SGK3: variants seen among roughly 807,000 people sequenced by gnomAD.
SGK3 encodes the protein serine/threonine-protein kinase Sgk3.
A neutral mutation model predicts 68.5 loss-of-function variants in SGK3; 47 were observed. The ratio of observed to expected loss-of-function variants is 0.69; its 90% confidence interval spans 0.54 to 0.87. The LOEUF is 0.87. Among genes scored for constraint, SGK3 ranks in the 40% least tolerant of loss-of-function variants. SGK3 has a pLI of 0.00. For synonymous variants in SGK3, 181 were observed against 189.1 expected (o/e 0.96, Z 0.35); for missense variants, 479 against 575.5 (o/e 0.83, Z 1.72).
At chr8:66,746,395 C>G (rs192073826) in intron 1 of SGK3, among the ~76,000 whole-genome samples, 1 of 152,166 alleles carries the variant, frequency 6.6e-6, no homozygotes, top group Admixed American at 6.5e-5. Flanking sequence ...TTCAACTGAC[C>G]AGTTTCTCTG....
At position 66,802,856 on chromosome 8, in the gene SGK3, A is replaced by G. The variant is rs191985465; in HGVS notation, c.181-1519A>G. The stretch of plus-strand genomic sequence containing the variant: ...CATTATGTTACCATCCAGCTTCAAT[A>G]ATTACTGATACGTGGCCATTCCTGG... On this transcript the variant is annotated intron_variant, in intron 3 of 16. Coordinates refer to ENST00000521198, the MANE Select transcript of SGK3 (RefSeq NM_001033578.3). Among the ~76,000 whole-genome samples the G allele has an allele frequency of 5.3e-5, 8 of 152,276 alleles. No individual in the cohort carries two copies. The East Asian group carries it at 1.5e-3, about 29-fold the overall frequency.
chr8:66,788,450 T>G lies in SGK3; in HGVS notation c.-121-5166T>G, dbSNP rs551263278. 5.9e-5 allele frequency among the ~76,000 whole-genome samples: 9 copies of G among 152,346 alleles called. No individual in the cohort carries two copies. In the East Asian group the frequency reaches 1.7e-3, roughly 29 times the overall value. ...AGGGTCTGAAACTCTTACCCTTTTC[T>G]TGGTGCTTGTTAGAGAGAGGGGTCC... is the stretch of plus-strand genomic sequence containing the variant. On this transcript the variant is annotated intron_variant, in intron 1 of 16. Transcript: ENST00000521198.
intron 1 of SGK3, among the ~76,000 whole-genome samples, chr8:66,736,768 T>TGC (rs1213848545): frequency 6.6e-6 from 1 of 151,998 alleles, no homozygotes; most frequent in Admixed American, 6.6e-5. Context: ...TATAGGTGTG[T>TGC]GCCACCATGC....
At chr8:66,729,268 A>G (rs868261718) in intron 1 of SGK3, among the ~76,000 whole-genome samples, 29 of 151,348 alleles carry the variant, frequency 1.9e-4, no homozygotes, top group Admixed American at 1.7e-3. Flanking sequence ...CATCCTGGCT[A>G]ACACGGTGAA....
chr8:66,725,228 C>T (rs1804948935), intron 1 of SGK3, among the ~76,000 whole-genome samples: 1 of 151,808 alleles, frequency 6.6e-6, no homozygotes, highest in African/African-American at 2.4e-5. Context: ...GACTCCGTCT[C>T]AAAAACAAAA....
In SGK3 at chr8:66,860,269, A is replaced by G. The variant is rs540127502; in HGVS notation, c.*688A>G. ...CAGGAGTTGGAGACCAGCCTGACCA[A>G]CATGGACAAACCCCGTCTCTACTAA... On this transcript the variant is annotated 3_prime_UTR_variant, in exon 17 of 17. Transcript: ENST00000521198. The G allele has an allele frequency of 6.6e-6, 1 of 152,412 alleles. No individual in the cohort carries two copies. The highest frequency in any genetic ancestry group is 6.5e-5 in the Admixed American group (1 of 15,300). 9.4% of individuals were successfully genotyped at this position (152,412 alleles called of 1,614,324 possible).
chr8:66,806,513 C>T (rs1243822062), intron 4 of SGK3, among the ~76,000 whole-genome samples: 1 of 151,884 alleles, frequency 6.6e-6, no homozygotes, highest in Non-Finnish European at 1.5e-5. Context: ...CACTTTTTTC[C>T]CAATTGAAAT....
intron 1 of SGK3, among the ~76,000 whole-genome samples, chr8:66,758,826 A>G (rs1272252340): frequency 1.3e-5 from 2 of 151,664 alleles, no homozygotes; most frequent in Non-Finnish European, 2.9e-5. Flanking sequence ...CCATATCAAT[A>G]CATTTTTATG....
At chr8:66,782,803 G>A (rs372155629) in intron 1 of SGK3, among the ~76,000 whole-genome samples, 18 of 152,126 alleles carry the variant, frequency 1.2e-4, no homozygotes, top group Admixed American at 7.9e-4. Flanking sequence ...TGTTATGGCT[G>A]GATAGCTTAT....
intron 6 of SGK3, among the ~76,000 whole-genome samples, chr8:66,823,398 T>TG (rs1453581977): frequency 1.3e-5 from 2 of 151,878 alleles, no homozygotes; most frequent in African/African-American, 4.8e-5. Context: ...GTTTTTTTTT[T>TG]TTTTTGTTAA....
At chr8:66,743,724 A>G (rs2130405560) in intron 1 of SGK3, among the ~76,000 whole-genome samples, 1 of 152,338 alleles carries the variant, frequency 6.6e-6, no homozygotes, top group East Asian at 1.9e-4. Context: ...GTTTCACCCT[A>G]TTGGCCAGGC....
At chr8:66,834,888 C>T (rs546869920) in intron 8 of SGK3, among the ~76,000 whole-genome samples, 12 of 146,766 alleles carry the variant, frequency 8.2e-5, no homozygotes, top group African/African-American at 2.3e-4. Flanking sequence ...TGCAGTGAGC[C>T]GAGATCGCGC....
At chr8:66,821,221 A>G (rs1808800742) in intron 5 of SGK3, among the ~76,000 whole-genome samples, 1 of 151,702 alleles carries the variant, frequency 6.6e-6, no homozygotes, top group Non-Finnish European at 1.5e-5. Context: ...CCATTTCCTC[A>G]TCCCCCTTGT....
chr8:66,755,060 A>G (rs938997897), intron 1 of SGK3, among the ~76,000 whole-genome samples: 1 of 152,120 alleles, frequency 6.6e-6, no homozygotes, highest in African/African-American at 2.4e-5. Context: ...GGAGTTCAAG[A>G]CCACCCTGAC....
chr8:66,761,486 A>G (rs1358447480), intron 1 of SGK3, among the ~76,000 whole-genome samples: 1 of 152,188 alleles, frequency 6.6e-6, no homozygotes, highest in Non-Finnish European at 1.5e-5. Context: ...TATTATAAAA[A>G]TAGTTTGGGC....
At chr8:66,836,548 G>A (rs921145672) in intron 10 of SGK3, among the ~76,000 whole-genome samples, 6 of 151,384 alleles carry the variant, frequency 4.0e-5, no homozygotes, top group African/African-American at 1.5e-4. Context: ...GGCTGAGGCA[G>A]AAGGATCACT....
chr8:66,830,684 G>A lies in SGK3; in HGVS notation c.468-570G>A, dbSNP rs140686855. 3.0e-3 allele frequency among the ~76,000 whole-genome samples: 455 copies of A among 152,226 alleles called. 5 individuals carry two copies. The highest frequency in any genetic ancestry group is 0.011 in the African/African-American group (438 of 41,532). On this transcript the variant is annotated intron_variant, in intron 7 of 16. Transcript: ENST00000521198. The stretch of plus-strand genomic sequence containing the variant: ...CTCTTCCTGGTTTTCCTATATTACC[G>A]TTCATGAGAATAAGCTGAGAAGTAT...
intron 4 of SGK3, among the ~76,000 whole-genome samples, chr8:66,812,631 C>T (rs1016011499): frequency 2.6e-5 from 4 of 151,346 alleles, no homozygotes; most frequent in Non-Finnish European, 5.9e-5. Flanking sequence ...ACAACAACAA[C>T]AAAAGTAATA....
chr8:66,759,483 G>A (rs1806089779), intron 1 of SGK3, among the ~76,000 whole-genome samples: 1 of 151,048 alleles, frequency 6.6e-6, no homozygotes, highest in Admixed American at 6.6e-5. Flanking sequence ...CCAGCCTGGA[G>A]TGCACTGGCA....
Sources: allele counts gnomAD v4.1 joint callset (sites outside exome capture counted in the v4.1 genomes callset), GRCh38; gene constraint gnomAD v4.1.1; transcripts MANE v1.5; gene names NCBI Gene and HGNC (gene_info 2026-07-23, HGNC 2026-07-21).